ZMYM2: variants seen among roughly 807,000 people sequenced by gnomAD.
ZMYM2 encodes the protein zinc finger MYM-type containing 2.
ZMYM2 carries 56 observed loss-of-function variants against 162.8 expected under a neutral mutation model. The ratio of observed to expected loss-of-function variants is 0.34; its 90% CI spans 0.28 to 0.43. The LOEUF (loss-of-function observed/expected upper bound fraction) is 0.43, where lower values mean the gene tolerates loss of function less well. Ranked by LOEUF, ZMYM2 falls within the 20% of genes least tolerant of loss-of-function variation. The probability of loss-of-function intolerance (pLI) is 1.00; values close to 1 mark genes in which losing one functional copy is unlikely to be tolerated. For synonymous variants in ZMYM2, 510 were observed against 541.6 expected (o/e 0.94, Z 0.81); for missense variants, 1,275 against 1,621.8 (o/e 0.79, Z 3.67).
At chr13:19,970,891 TTGA>T (rs1322881836) in intron 2 of ZMYM2, among the ~76,000 whole-genome samples, 1 of 152,094 alleles carries the variant, frequency 6.6e-6, no homozygotes, top group African/African-American at 2.4e-5. Flanking sequence ...AGTGGAGTGT[TTGA>T]TGCAGGAGGA....
chr13:19,917,596 TAAAAAAA>T, the ZMYM2 span, among the ~76,000 whole-genome samples: 1 of 133,206 alleles, frequency 7.5e-6, no homozygotes, highest in Non-Finnish European at 1.6e-5. Flanking sequence ...ATCTCAAATT[TAAAAAAA>T]AAAAAAAAAA....
intron 10 of ZMYM2, among the ~76,000 whole-genome samples, chr13:20,033,283 G>T (rs925918343): frequency 6.6e-6 from 1 of 151,878 alleles, no homozygotes; most frequent in Non-Finnish European, 1.5e-5. Flanking sequence ...CTCCACTTCT[G>T]TAGTTGTTTT....
intron 13 of ZMYM2, 50 bp downstream of exon 13, chr13:20,051,648 A>G (rs1171741724): frequency 7.2e-6 from 11 of 1,523,752 alleles, no homozygotes; most frequent in Non-Finnish European, 8.8e-6. Context: ...ATCAGTCTTT[A>G]CGTAGTTTTG....
At chr13:19,928,894 C>G in the ZMYM2 span, among the ~76,000 whole-genome samples, 1 of 152,148 alleles carries the variant, frequency 6.6e-6, no homozygotes, top group Admixed American at 6.5e-5. Context: ...TTCCACCCAC[C>G]TCGGCCTCCC....
intron 20 of ZMYM2, 62 bp from the exon 21 acceptor site, chr13:20,067,177 G>C: frequency 6.9e-7 from 1 of 1,443,644 alleles, no homozygotes; most frequent in Non-Finnish European, 9.3e-7. Flanking sequence ...ACGTCAGAAA[G>C]TTTCTTAACC....
the ZMYM2 span, among the ~76,000 whole-genome samples, chr13:19,926,735 C>T: frequency 6.6e-6 from 1 of 151,922 alleles, no homozygotes; most frequent in Non-Finnish European, 1.5e-5. Context: ...TGGCGCAATC[C>T]CTGCTCACTG....
chr13:20,015,459 G>C (rs1013229783), intron 6 of ZMYM2, among the ~76,000 whole-genome samples: 9 of 152,114 alleles, frequency 5.9e-5, no homozygotes, highest in African/African-American at 1.7e-4. Flanking sequence ...ATATATGTTT[G>C]TTATTAATAA....
chr13:20,073,845 G>A (rs1311263532), intron 21 of ZMYM2, among the ~76,000 whole-genome samples: 1 of 151,818 alleles, frequency 6.6e-6, no homozygotes, highest in African/African-American at 2.4e-5. Context: ...CTCAGTTTTT[G>A]TTGTAGTAAA....
Position 19,993,365 on chromosome 13 carries a change from A to G in ZMYM2, c.293A>G (p.Lys98Arg), listed in dbSNP as rs1195711541. 9.3e-6 allele frequency: 15 copies of G among 1,613,618 alleles called. No individual in the cohort carries two copies. The highest frequency in any genetic ancestry group is 2.2e-5 in the South Asian group (2 of 91,036). The change falls in exon 3 of 25, where the codon AAA (lysine) becomes AGA (arginine). Residue 98 changes from lysine (K) to arginine (R), a missense_variant. This residue lies in a region of ZMYM2 where 295 missense variants were observed against 286.7 expected (regional missense o/e 1.03). Coordinates refer to ENST00000610343, the MANE Select transcript of ZMYM2 (RefSeq NM_197968.4). ...GAAGAACTACAAGGAAATGATTCCAAAATTACTCCTTCCTCAAAAGAGTTG... is the reference window on the plus strand; with the variant it reads ...GAAGAACTACAAGGAAATGATTCCAGAATTACTCCTTCCTCAAAAGAGTTG... ...KNEELQGNDS[K>R]ITPSSKELAS... is the part of the protein sequence containing the mutation.
intron 18 of ZMYM2, 117 bp from the exon 19 acceptor site, chr13:20,064,334 C>G: frequency 4.1e-6 from 3 of 738,434 alleles, no homozygotes; most frequent in Non-Finnish European, 6.1e-6. Flanking sequence ...CCAGCCCAGC[C>G]TAGATTGTCC....
At chr13:19,963,712 C>T (rs757908578) in intron 2 of ZMYM2, among the ~76,000 whole-genome samples, 8 of 152,144 alleles carry the variant, frequency 5.3e-5, no homozygotes, top group Non-Finnish European at 8.8e-5. Context: ...CACATTTGAA[C>T]ATATCTGTTG....
At chr13:19,869,918 G>A in the ZMYM2 span, among the ~76,000 whole-genome samples, 2 of 152,140 alleles carry the variant, frequency 1.3e-5, no homozygotes, top group African/African-American at 4.8e-5. Context: ...AAACTTAGTG[G>A]GTTAAAATAA....
At chr13:19,969,909 A>G in intron 2 of ZMYM2, 2 of 410,984 alleles carry the variant, frequency 4.9e-6, no homozygotes, top group Non-Finnish European at 6.6e-6. Context: ...CAGAGGCAAG[A>G]GATTTTTACT....
chr13:19,961,488 A>G (rs1017260421), intron 2 of ZMYM2, among the ~76,000 whole-genome samples: 2 of 152,234 alleles, frequency 1.3e-5, no homozygotes, highest in African/African-American at 4.8e-5. Context: ...TCATTCAATA[A>G]TGAATCAAGG....
chr13:19,965,771 C>CTTTTTTTT lies in ZMYM2; in HGVS notation c.-11+5758_-11+5765dup, dbSNP rs35914050. Among the ~76,000 whole-genome samples, 16 of 104,888 alleles carry CTTTTTTTT rather than the reference C, an allele frequency of 1.5e-4. 2 individuals are homozygous for CTTTTTTTT. The highest frequency in any genetic ancestry group is 2.2e-4 in the African/African-American group (6 of 27,448). The allele number at this position is 104,888 out of a possible 152,430, so 68.8% of individuals were successfully genotyped here. ...CTGGCCCTGATATGGTATCTGAATT[C>CTTTTTTTT]TTTTTTTTTTTTTTTTTTTTGAGAC... On this transcript the variant is annotated intron_variant, in intron 2 of 24. Transcript: ENST00000610343.
chr13:19,952,664 A>G, the ZMYM2 span, among the ~76,000 whole-genome samples: 1 of 152,320 alleles, frequency 6.6e-6, no homozygotes, highest in African/African-American at 2.4e-5. Flanking sequence ...AGCCACAGGA[A>G]CTCAGAGGAA....
chr13:20,083,576 G>A (rs1450652470), intron 23 of ZMYM2, 80 bp from the exon 24 acceptor site: 9 of 1,123,182 alleles, frequency 8.0e-6, no homozygotes, highest in Non-Finnish European at 7.5e-6. Context: ...CTATTCTTTG[G>A]TATAACAGAC....
At chr13:19,888,581 C>A in the ZMYM2 span, among the ~76,000 whole-genome samples, 1 of 151,352 alleles carries the variant, frequency 6.6e-6, no homozygotes, top group African/African-American at 2.4e-5. Context: ...AATGTGGATC[C>A]TCTTCATTTA....
At chr13:19,974,921 G>C (rs111831369) in intron 2 of ZMYM2, among the ~76,000 whole-genome samples, 14 of 152,192 alleles carry the variant, frequency 9.2e-5, no homozygotes, top group African/African-American at 3.4e-4. Context: ...GTTAAGACTT[G>C]GTGGGCCTTT....
Sources: gnomAD v4.1 joint callset for allele counts (sites outside exome capture counted in the v4.1 genomes callset) on GRCh38, gnomAD v4.1.1 for gene constraint, gnomAD v4.1.1 regional missense constraint, MANE v1.5 for transcripts, NCBI Gene and HGNC (gene_info 2026-07-23, HGNC 2026-07-21) for gene names.